The following HECW1 variants were observed in gnomAD, a reference collection of about 807,000 sequenced individuals.
The protein encoded by HECW1 is HECT, C2 and WW domain containing E3 ubiquitin protein ligase 1.
A neutral mutation model predicts 182.3 loss-of-function variants in HECW1; 61 were observed. The ratio of observed to expected loss-of-function variants is 0.33; its 90% CI spans 0.27 to 0.41. HECW1 has a LOEUF of 0.41. Ranked by LOEUF, HECW1 falls within the 10% of genes least tolerant of loss-of-function variation. HECW1 has a pLI of 1.00. For synonymous variants in HECW1, 859 were observed against 832.6 expected (o/e 1.03, Z -0.55); for missense variants, 1,739 against 2,108.9 (o/e 0.82, Z 3.44).
Position 43,243,615 on chromosome 7 carries a change from G to T in HECW1, c.-31-260G>T, listed in dbSNP as rs1467741453. ...TTGAAAAAGAAAAAAAAAAATTCTA[G>T]GCTCATGAGTCTCATTCCTTAAATT... On this transcript the variant is annotated intron_variant, in intron 2 of 29. Coordinates refer to ENST00000395891, the MANE Select transcript of HECW1 (RefSeq NM_015052.5). This position sits in a 1 kb window ranked among gnomAD's most constrained non-coding sequence, Gnocchi z 4.0. Among the ~76,000 whole-genome samples the T allele has an allele frequency of 6.6e-6, 1 of 151,974 alleles. No homozygotes were observed. The highest frequency in any genetic ancestry group is 1.5e-5 in the Non-Finnish European group (1 of 68,002).
In HECW1 at chr7:43,415,281, C is replaced by G. The variant is rs1382632306; in HGVS notation, c.801+7550C>G. Among the ~76,000 whole-genome samples the G allele has an allele frequency of 1.6e-4, 23 of 144,982 alleles. No individual in the cohort carries two copies. The South Asian group carries it at 1.7e-3, about 11-fold the overall frequency. On this transcript the variant is annotated intron_variant, in intron 8 of 29. Transcript: ENST00000395891. ...TGTAAATTATTTTATTTCTCCTTCA[C>G]TTATGAAGCTTAGTTTGGCTGGATA...
chr7:43,308,000 TATATA>T (rs1257602168), intron 3 of HECW1, among the ~76,000 whole-genome samples: 1 of 123,454 alleles, frequency 8.1e-6, no homozygotes, highest in African/African-American at 3.1e-5. Context: ...TAATATATAA[TATATA>T]ATATACAGTA....
At chr7:43,365,041 A>G (rs1262362595) in intron 6 of HECW1, among the ~76,000 whole-genome samples, 1 of 152,206 alleles carries the variant, frequency 6.6e-6, no homozygotes, top group East Asian at 1.9e-4. Context: ...ACTGAAAATA[A>G]CCAGGCTGCC....
At chr7:43,414,149 T>C (rs1435465490) in intron 8 of HECW1, among the ~76,000 whole-genome samples, 19 of 148,912 alleles carry the variant, frequency 1.3e-4, no homozygotes, top group East Asian at 3.9e-4. Flanking sequence ...GGTTTCTAGT[T>C]CTCCTTGAAG....
At chr7:43,266,366 C>T (rs1354189735) in intron 3 of HECW1, among the ~76,000 whole-genome samples, 3 of 152,132 alleles carry the variant, frequency 2.0e-5, no homozygotes, top group Admixed American at 6.6e-5. Flanking sequence ...GACAGAGTCT[C>T]ACTCTGTCAC....
chr7:43,466,063 G>A (rs986722272), intron 14 of HECW1, among the ~76,000 whole-genome samples: 1 of 137,406 alleles, frequency 7.3e-6, no homozygotes, highest in African/African-American at 2.7e-5. Context: ...GGGAGGGAGG[G>A]AAGGAAGGAA....
intron 5 of HECW1, among the ~76,000 whole-genome samples, chr7:43,333,211 C>G (rs1811712551): frequency 6.6e-6 from 1 of 152,238 alleles, no homozygotes; most frequent in South Asian, 2.1e-4. Context: ...ACAGACATCA[C>G]TAGACTATCA....
intron 17 of HECW1, among the ~76,000 whole-genome samples, chr7:43,486,040 C>T (rs774752253): frequency 2.7e-4 from 41 of 151,558 alleles, no homozygotes; most frequent in Non-Finnish European, 3.1e-4. Flanking sequence ...CCCTGTGTGT[C>T]ATGTTCCCCT....
At chr7:43,238,810 G>GA (rs1798612068) in intron 2 of HECW1, among the ~76,000 whole-genome samples, 1 of 152,056 alleles carries the variant, frequency 6.6e-6, no homozygotes, top group African/African-American at 2.4e-5. Context: ...AATGTAAGAG[G>GA]GTTTTTCTGT....
At chr7:43,168,507 T>A (rs901421785) in intron 2 of HECW1, among the ~76,000 whole-genome samples, 3 of 151,872 alleles carry the variant, frequency 2.0e-5, no homozygotes, top group Non-Finnish European at 2.9e-5. Flanking sequence ...AATTTTTTTT[T>A]AAATTAGCCA....
intron 6 of HECW1, among the ~76,000 whole-genome samples, chr7:43,394,613 G>A (rs534960210): frequency 2.0e-5 from 3 of 152,202 alleles, no homozygotes; most frequent in East Asian, 3.9e-4. Flanking sequence ...ATGAATAAGG[G>A]GTATGGCATC....
At chr7:43,348,661 C>A (rs1319387656) in intron 5 of HECW1, among the ~76,000 whole-genome samples, 1 of 152,108 alleles carries the variant, frequency 6.6e-6, no homozygotes, top group Non-Finnish European at 1.5e-5. Flanking sequence ...TGTGAACTTT[C>A]CTCTTAGCAC....
At chr7:43,353,662 G>A (rs1403273100) in intron 5 of HECW1, among the ~76,000 whole-genome samples, 1 of 152,078 alleles carries the variant, frequency 6.6e-6, no homozygotes, top group East Asian at 1.9e-4. Context: ...GGCACCAAGT[G>A]CATGGAAAAT....
intron 2 of HECW1, among the ~76,000 whole-genome samples, chr7:43,167,028 C>T (rs747430140): frequency 2.6e-5 from 4 of 152,202 alleles, no homozygotes; most frequent in Admixed American, 6.5e-5. Context: ...TTCCAAAAGA[C>T]CCCTTTCTGA....
At chr7:43,560,074 A>T (rs1367121796) in intron 29 of HECW1, among the ~76,000 whole-genome samples, 1 of 152,200 alleles carries the variant, frequency 6.6e-6, no homozygotes, top group Non-Finnish European at 1.5e-5. Flanking sequence ...AACTATGAAG[A>T]TGATGCCTGC....
At chr7:43,450,210 C>T (rs987325109) in intron 11 of HECW1, among the ~76,000 whole-genome samples, 2 of 152,100 alleles carry the variant, frequency 1.3e-5, no homozygotes, top group African/African-American at 4.8e-5. Context: ...ATAATCTGGA[C>T]AGTCCTGAGA....
intron 2 of HECW1, among the ~76,000 whole-genome samples, chr7:43,193,213 A>G (rs1026252658): frequency 6.6e-6 from 1 of 152,154 alleles, no homozygotes; most frequent in Non-Finnish European, 1.5e-5. Flanking sequence ...TAGAATTTGC[A>G]TTTGTAGCCA....
At chr7:43,368,171 G>A (rs1308158686) in intron 6 of HECW1, among the ~76,000 whole-genome samples, 6 of 152,160 alleles carry the variant, frequency 3.9e-5, no homozygotes, top group Admixed American at 2.6e-4. Flanking sequence ...CCTAAGATAC[G>A]GGCAAGTGTG....
chr7:43,225,593 C>G lies in HECW1; in HGVS notation c.-31-18282C>G, dbSNP rs568705944. Among the ~76,000 whole-genome samples the G allele has an allele frequency of 2.5e-3, 373 of 152,120 alleles. 3 individuals carry two copies. Among genetic ancestry groups the G allele is most frequent in the Middle Eastern group, 6.8e-3 (2 of 294 alleles). ...GATTAAACCAGAAAACCCGAGATGC[C>G]TATATTAATGTAGGTAAGTATCCCA... On this transcript the variant is annotated intron_variant, in intron 2 of 29. Transcript: ENST00000395891.
Sources: gnomAD v4.1 joint callset for allele counts (sites outside exome capture counted in the v4.1 genomes callset) on GRCh38, gnomAD v4.1.1 for gene constraint, Gnocchi (gnomAD v3.1) non-coding constraint, MANE v1.5 for transcripts, NCBI Gene and HGNC (gene_info 2026-07-23, HGNC 2026-07-21) for gene names.